Variants in VWDE observed in about 807,000 individuals in gnomAD.
VWDE encodes von Willebrand factor D and EGF domains.
In VWDE, 207 loss-of-function variants were observed where a neutral mutation model predicts 178.4. That is an observed-to-expected ratio of 1.16 (90% CI 1.04 to 1.30). VWDE has a LOEUF of 1.30. Ranked by LOEUF, VWDE falls within the 50% of genes most tolerant of loss-of-function variation. VWDE has a pLI of 0.00. For missense variants in VWDE, 2,287 were observed against 1,901.3 expected (o/e 1.20, Z -3.77); for synonymous variants, 738 against 651.4 (o/e 1.13, Z -2.02).
At chr7:12,384,339 G>A (rs753880010) in intron 3 of VWDE, among the ~76,000 whole-genome samples, 14 of 151,994 alleles carry the variant, frequency 9.2e-5, no homozygotes, top group Admixed American at 5.3e-4. Flanking sequence ...GTTGTCTGGG[G>A]TTGAGAGGAG....
In VWDE at chr7:12,341,963, C is replaced by G. The variant is rs1781356150; in HGVS notation, c.4270+96G>C. The G allele has an allele frequency of 1.0e-5, 9 of 895,806 alleles. No homozygotes were observed. In the Admixed American group the frequency reaches 1.9e-4, roughly 19 times the overall value. 55.5% of individuals were successfully genotyped at this position (895,806 alleles called of 1,614,324 possible). ...CTTCATACCTATCTACCTGTCTTGT[C>G]AGGTCAGTTTTATGTTTCTTAGGTG... On this transcript the variant is annotated intron_variant, in intron 23 of 28. Transcript: ENST00000275358.
chr7:12,369,947 C>A lies in VWDE; in HGVS notation c.2359G>T (p.Val787Leu), dbSNP rs1369236558. 11 of 1,551,500 alleles carry A rather than the reference C, an allele frequency of 7.1e-6. No individual in the cohort carries two copies. Among genetic ancestry groups the A allele is most frequent in the African/African-American group, 1.4e-5 (1 of 73,144 alleles). Residue 787 changes from valine (V) to leucine (L), a missense_variant, in exon 12 of 29, where the codon GTA (valine) becomes TTA (leucine). Val to Leu is a conservative substitution (Grantham distance 32, BLOSUM62 1). Transcript: ENST00000275358. ...YFFPEDHAED[V>L]QQEFFPSWPT... ...CAAGAGGGGAAAAACTCTTGCTGTA[C>A]ATCCTCAGCATGGTCCTCTGGGAAA...
intron 18 of VWDE, among the ~76,000 whole-genome samples, chr7:12,355,434 T>G (rs1377946392): frequency 6.8e-6 from 1 of 148,118 alleles, no homozygotes; most frequent in Non-Finnish European, 1.5e-5. Flanking sequence ...AAAAAAGTGC[T>G]GAAGAAAATT....
chr7:12,397,242 A>C (rs1784674255), intron 1 of VWDE, among the ~76,000 whole-genome samples: 1 of 152,180 alleles, frequency 6.6e-6, no homozygotes, highest in Admixed American at 6.5e-5. Context: ...ATGGAACAGA[A>C]TAGAGAACCC....
chr7:12,396,692 G>A (rs1282982925), intron 1 of VWDE, among the ~76,000 whole-genome samples: 3 of 152,104 alleles, frequency 2.0e-5, no homozygotes, highest in African/African-American at 4.8e-5. Context: ...AAGGCAGGTG[G>A]ATCACCTGAG....
At chr7:12,383,845 A>T (rs182775943) in intron 3 of VWDE, among the ~76,000 whole-genome samples, 128 of 152,318 alleles carry the variant, frequency 8.4e-4, no homozygotes, top group Non-Finnish European at 1.5e-3. Context: ...GCATTTTTAA[A>T]TAGTGAGACA....
chr7:12,389,181 A>G lies in VWDE; in HGVS notation c.421T>C (p.Phe141Leu). The change falls in exon 3 of 29, where the codon TTT becomes CTT. Residue 141 changes from phenylalanine (F) to leucine (L), a missense_variant. Coordinates refer to ENST00000275358, the MANE Select transcript of VWDE (RefSeq NM_001135924.3). ...IPVSVRNCGNFSVYLLQPTQG... is the reference protein window; with the variant it reads ...IPVSVRNCGNLSVYLLQPTQG... ...GTTGGTTGTAGTAAGTATACAGAAA[A>G]GTTCCCACAGTTTCTTACAGACACT... 1 of 1,552,004 alleles carries G rather than the reference A, an allele frequency of 6.4e-7. No individual in the cohort carries two copies. Among genetic ancestry groups the G allele is most frequent in the East Asian group, 2.4e-5 (1 of 40,908 alleles).
rs1316287775 is a variant in VWDE, at chr7:12,379,322, A to C, written c.879+155T>G. 2.0e-5 allele frequency among the ~76,000 whole-genome samples: 3 copies of C among 152,188 alleles called. 1 individual carries two copies. The highest frequency in any genetic ancestry group is 2.0e-4 in the Admixed American group (3 of 15,278). On this transcript the variant is annotated intron_variant, in intron 6 of 28. Transcript: ENST00000275358. ...CCCTCAAACTTTGTTGCGCATTAGA[A>C]TTACTGGGGCTTTTCTTCAAATATG... is the stretch of plus-strand genomic sequence containing the variant.
chr7:12,402,543 G>A (rs953608384), intron 1 of VWDE, among the ~76,000 whole-genome samples: 5 of 152,090 alleles, frequency 3.3e-5, no homozygotes, highest in Non-Finnish European at 7.4e-5. Flanking sequence ...GCGGTCTATA[G>A]TAAACATGAA....
At chr7:12,390,232 G>C (rs1162139059) in intron 2 of VWDE, among the ~76,000 whole-genome samples, 1 of 150,914 alleles carries the variant, frequency 6.6e-6, no homozygotes, top group African/African-American at 2.4e-5. Context: ...ATCCTTTTCA[G>C]ATAAAAAATA....
chr7:12,337,415 C>A, intron 24 of VWDE, 143 bp from the exon 25 acceptor site: 1 of 758,012 alleles, frequency 1.3e-6, no homozygotes, highest in Non-Finnish European at 2.2e-6. Context: ...TTAAACCTGT[C>A]CTTTCTAAAT....
At chr7:12,397,198 C>T (rs1784672343) in intron 1 of VWDE, among the ~76,000 whole-genome samples, 1 of 152,068 alleles carries the variant, frequency 6.6e-6, no homozygotes, top group Non-Finnish European at 1.5e-5. Flanking sequence ...AACTAAACAT[C>T]ATAGTAGTCA....
chr7:12,371,721 C>A (rs551400935), intron 10 of VWDE, among the ~76,000 whole-genome samples: 1 of 152,214 alleles, frequency 6.6e-6, no homozygotes, highest in East Asian at 1.9e-4. Context: ...TCAAAAGCCT[C>A]TTTTATATTT....
Position 12,370,014 on chromosome 7 carries a change from G to A in VWDE, c.2292C>T (p.Phe764=), listed in dbSNP as rs1355304329. ...CCAGATCCGTTTGGCTGAGACTCGG[G>A]AAAGCAAACAAAGGAGGAAACTCAT... is the stretch of plus-strand genomic sequence containing the variant. ...NFHEFPPLFA[F]PSLSQTDLEE... Residue 764 remains phenylalanine (F), a synonymous_variant, in exon 12 of 29, where the codon TTC becomes TTT. Coordinates refer to ENST00000275358, the MANE Select transcript of VWDE (RefSeq NM_001135924.3). 5 of 1,551,392 alleles carry A rather than the reference G, an allele frequency of 3.2e-6. No homozygotes were observed. Among genetic ancestry groups the A allele is most frequent in the African/African-American group, 1.4e-5 (1 of 73,018 alleles).
At chr7:12,362,438 C>T (rs1457290518) in intron 13 of VWDE, among the ~76,000 whole-genome samples, 1 of 152,022 alleles carries the variant, frequency 6.6e-6, no homozygotes, top group East Asian at 1.9e-4. Flanking sequence ...TACTTAATAA[C>T]TCAGTGACAC....
intron 19 of VWDE, among the ~76,000 whole-genome samples, chr7:12,347,576 G>A (rs973737396): frequency 2.0e-5 from 3 of 151,992 alleles, no homozygotes; most frequent in Admixed American, 2.0e-4. Flanking sequence ...AGAAAGCTCA[G>A]AAATATATCT....
chr7:12,343,811 C>T (rs1285244214), intron 21 of VWDE, among the ~76,000 whole-genome samples: 1 of 152,090 alleles, frequency 6.6e-6, no homozygotes, highest in East Asian at 1.9e-4. Flanking sequence ...CTTCTTACTA[C>T]TTTACATTTT....
Position 12,337,019 on chromosome 7 carries a change from A to G in VWDE, c.4527T>C (p.Pro1509=). The G allele has an allele frequency of 1.9e-6, 3 of 1,551,550 alleles. No homozygotes were observed. The highest frequency in any genetic ancestry group is 2.6e-6 in the Non-Finnish European group (3 of 1,146,892). Residue 1509 remains proline, a synonymous_variant, in exon 26 of 29, where the codon CCT becomes CCC. Coordinates refer to ENST00000275358, the MANE Select transcript of VWDE (RefSeq NM_001135924.3). ...KCVGPSTCSC[P]SGWSGKRCNT... ...TGCATCGTTTCCCACTCCAACCAGA[A>G]GGACAAGAGCAAGTGCTTGGTCCCA...
Position 12,349,522 on chromosome 7 carries a change from A to C in VWDE, c.3886+2051T>G, listed in dbSNP as rs184876765. 1.8e-3 allele frequency among the ~76,000 whole-genome samples: 277 copies of C among 151,788 alleles called. 1 individual carries two copies. Among genetic ancestry groups the C allele is most frequent in the African/African-American group, 6.2e-3 (258 of 41,558 alleles). On this transcript the variant is annotated intron_variant, in intron 19 of 28. Coordinates refer to ENST00000275358, the MANE Select transcript of VWDE (RefSeq NM_001135924.3). Reference sequence around the variant, plus strand: ...TTTAAAAATATATTTATTTGATTACATAAAATCTTAATGCTTTCATATAAA... The same window carrying C: ...TTTAAAAATATATTTATTTGATTACCTAAAATCTTAATGCTTTCATATAAA...
Sources: gnomAD v4.1 joint callset for allele counts (sites outside exome capture counted in the v4.1 genomes callset) on GRCh38, gnomAD v4.1.1 for gene constraint, MANE v1.5 for transcripts, NCBI Gene and HGNC (gene_info 2026-07-23, HGNC 2026-07-21) for gene names.